ADGRV1: variants seen among roughly 807,000 people sequenced by gnomAD.
ADGRV1 encodes the protein G-protein coupled receptor 98.
Under a neutral mutation model 596.2 loss-of-function variants are expected in ADGRV1, and 359 were observed. The ratio of observed to expected loss-of-function variants is 0.60; its 90% CI spans 0.55 to 0.66. The LOEUF (loss-of-function observed/expected upper bound fraction) is 0.66, where lower values mean the gene tolerates loss of function less well. Among genes scored for constraint, ADGRV1 ranks in the 30% least tolerant of loss-of-function variants. The probability of loss-of-function intolerance (pLI) is 0.00; values close to 1 mark genes in which losing one functional copy is unlikely to be tolerated. For synonymous variants in ADGRV1, 2,681 were observed against 2,679.2 expected, an observed-to-expected ratio of 1.00 and a Z score of -0.02; for missense variants, 7,274 against 7,575.6, an observed-to-expected ratio of 0.96 and a Z score of 1.48.
At chr5:90,590,187 A>C (rs1359245141) in intron 1 of ADGRV1, among the ~76,000 whole-genome samples, 2 of 152,202 alleles carry the variant, frequency 1.3e-5, no homozygotes, top group Non-Finnish European at 2.9e-5. Context: ...TTTGTTATCT[A>C]TTGCTATGTA....
chr5:90,577,603 C>T lies in ADGRV1; in HGVS notation c.22+18686C>T, dbSNP rs182052212. 6.0e-3 allele frequency among the ~76,000 whole-genome samples: 907 copies of T among 152,230 alleles called. 7 individuals carry two copies. Among genetic ancestry groups the T allele is most frequent in the Middle Eastern group, 0.02 (6 of 294 alleles). On this transcript the variant is annotated intron_variant, in intron 1 of 89. Coordinates refer to ENST00000405460, the MANE Select transcript of ADGRV1 (RefSeq NM_032119.4). ...TAGGATTGTCTTGACAATGTGGGCT[C>T]TTTTTTGGTTCCATATGAAGTTTAA...
rs1768935110 is a variant in ADGRV1 at position 90,653,442 on chromosome 5, A to G, written c.3868A>G (p.Ser1290Gly). Reference protein sequence around the residue: ...DVQLGWEILSSEFPAGLPPMI... With the variant: ...DVQLGWEILSGEFPAGLPPMI... Reference sequence around the variant, plus strand: ...ACAACTGGGCTGGGAAATACTGTCCAGTGAGTTCCCTGCTGGTTTGCCACC... The same window carrying G: ...ACAACTGGGCTGGGAAATACTGTCCGGTGAGTTCCCTGCTGGTTTGCCACC... The change falls in exon 20 of 90, where the codon AGT becomes GGT. Residue 1290 changes from serine to glycine, a missense_variant. Ser to Gly is a moderately conservative substitution (Grantham distance 56, BLOSUM62 0). Coordinates refer to ENST00000405460, the MANE Select transcript of ADGRV1 (RefSeq NM_032119.4). 1 of 1,613,954 alleles carries G rather than the reference A, an allele frequency of 6.2e-7. No homozygotes were observed.
intron 64 of ADGRV1, chr5:90,781,097 G>A (rs1581102391): frequency 2.8e-6 from 1 of 354,788 alleles, no homozygotes; most frequent in African/African-American, 2.1e-5. Context: ...GTATATGTAT[G>A]TATTCAGCCG....
chr5:90,592,466 G>C (rs1048151139), intron 1 of ADGRV1, among the ~76,000 whole-genome samples: 8 of 152,296 alleles, frequency 5.3e-5, no homozygotes, highest in Non-Finnish European at 1.0e-4. Flanking sequence ...GTGGTAGGAG[G>C]GTGAGGGATA....
Position 90,840,818 on chromosome 5 carries a change from A to C in ADGRV1, c.16852A>C (p.Thr5618Pro). Reference protein sequence around the residue: ...IDKVYGTANITLVSDADSQAI... With the variant: ...IDKVYGTANIPLVSDADSQAI... ...TAAAGTGTATGGGACTGCCAACATC[A>C]CTCTTGTCTCAGATGCAGATTCGCA... is the stretch of plus-strand genomic sequence containing the variant. Residue 5618 changes from threonine to proline, a missense_variant, in exon 78 of 90, where the codon ACT (threonine) becomes CCT (proline). Physicochemically the swap from Thr to Pro is conservative, Grantham distance 38. Transcript: ENST00000405460. The C allele has an allele frequency of 6.2e-7, 1 of 1,613,734 alleles. No homozygotes were observed. The highest frequency in any genetic ancestry group is 8.5e-7 in the Non-Finnish European group (1 of 1,179,786).
rs199636312 is a variant in ADGRV1, at chr5:90,629,384, G to T, written c.1684G>T (p.Ala562Ser). ...GCTTTATTCTGTACTTTACATTCCT[G>T]CTGGAGCTGTGGACCCCTTGCAAGC... Reference protein sequence around the residue: ...RLLYSVLYIPAGAVDPLQAKE... With the variant: ...RLLYSVLYIPSGAVDPLQAKE... The change falls in exon 9 of 90, where the codon GCT (alanine) becomes TCT (serine). Residue 562 changes from alanine to serine, a missense_variant. By Grantham distance (99) the Ala-to-Ser change is moderately conservative. Around this residue, in one of 5 missense-constraint regions of ADGRV1, gnomAD observed 1,715 missense variants for 1,708.8 expected, o/e 1.00. Transcript: ENST00000405460. 132 of 1,613,604 alleles carry T rather than the reference G, an allele frequency of 8.2e-5. 1 individual carries two copies. The Middle Eastern group carries it at 1.3e-3, about 16-fold the overall frequency.
At chr5:90,972,446 T>C (rs948616869) in intron 84 of ADGRV1, among the ~76,000 whole-genome samples, 1 of 152,198 alleles carries the variant, frequency 6.6e-6, no homozygotes, top group Non-Finnish European at 1.5e-5. Flanking sequence ...GACCACATAG[T>C]TGGAAGTAAA....
At chr5:91,002,674 A>G (rs1781945125) in intron 85 of ADGRV1, among the ~76,000 whole-genome samples, 1 of 151,378 alleles carries the variant, frequency 6.6e-6, no homozygotes, top group Admixed American at 6.6e-5. Flanking sequence ...TTTTCTTCTC[A>G]TGTACCCATG....
intron 52 of ADGRV1, among the ~76,000 whole-genome samples, chr5:90,748,377 A>C (rs78631911): frequency 0.026 from 3,981 of 152,346 alleles, 153 homozygotes; most frequent in African/African-American, 0.091. Context: ...CTTGATTTTA[A>C]TATATTTTAT....
At chr5:90,905,160 T>C (rs1448226895) in intron 83 of ADGRV1, among the ~76,000 whole-genome samples, 1 of 152,124 alleles carries the variant, frequency 6.6e-6, no homozygotes, top group Non-Finnish European at 1.5e-5. Context: ...TAATTTCAAA[T>C]CAGGTAATGT....
chr5:90,736,432 C>CT (rs943795784), intron 50 of ADGRV1, among the ~76,000 whole-genome samples: 1 of 151,960 alleles, frequency 6.6e-6, no homozygotes, highest in Non-Finnish European at 1.5e-5. Context: ...CCTGTAATTT[C>CT]TTTTTTTCTT....
intron 83 of ADGRV1, among the ~76,000 whole-genome samples, chr5:90,902,154 T>A (rs1771909565): frequency 6.6e-6 from 1 of 152,120 alleles, no homozygotes. Flanking sequence ...GTTGAATCAT[T>A]CAAGCTTTAT....
chr5:90,992,940 C>T (rs912290207), intron 85 of ADGRV1, among the ~76,000 whole-genome samples: 14 of 152,050 alleles, frequency 9.2e-5, no homozygotes, highest in African/African-American at 3.4e-4. Context: ...ATCCAGTGTG[C>T]ATACATACTT....
At chr5:91,065,616 C>T (rs1019903808) in intron 85 of ADGRV1, among the ~76,000 whole-genome samples, 8 of 152,264 alleles carry the variant, frequency 5.3e-5, no homozygotes, top group South Asian at 2.1e-4. Flanking sequence ...TTCCTTCTTA[C>T]GAATATTTCA....
intron 85 of ADGRV1, among the ~76,000 whole-genome samples, chr5:91,040,400 T>C (rs994721098): frequency 4.6e-5 from 7 of 152,216 alleles, no homozygotes; most frequent in Non-Finnish European, 1.0e-4. Context: ...GACGACTATA[T>C]GCTTCATGAG....
intron 70 of ADGRV1, among the ~76,000 whole-genome samples, chr5:90,797,748 G>A (rs1354899916): frequency 1.3e-5 from 2 of 152,128 alleles, no homozygotes; most frequent in Non-Finnish European, 1.5e-5. Context: ...CTCAGCAAAT[G>A]TGAAAGAATG....
At chr5:90,798,613 G>C (rs10076137) in intron 70 of ADGRV1, among the ~76,000 whole-genome samples, 3,943 of 152,098 alleles carry the variant, frequency 0.026, 164 homozygotes, top group African/African-American at 0.09. Flanking sequence ...ACCTGACAGA[G>C]ACACAACAAA....
At chr5:90,948,205 A>C (rs1776759040) in intron 83 of ADGRV1, among the ~76,000 whole-genome samples, 1 of 152,110 alleles carries the variant, frequency 6.6e-6, no homozygotes, top group Admixed American at 6.6e-5. Flanking sequence ...TAGAATTTGA[A>C]TCCAGGAGTC....
chr5:90,922,436 T>C lies in ADGRV1; in HGVS notation c.17857-42979T>C, dbSNP rs976728849. Among the ~76,000 whole-genome samples the C allele has an allele frequency of 4.6e-5, 7 of 152,306 alleles. No individual in the cohort carries two copies. The East Asian group carries it at 1.4e-3, about 29-fold the overall frequency. ...TTAGGTTGTTTCTCTGGCTTTTCAC[T>C]CATTCCCTATATTCTATACTTTGAA... On this transcript the variant is annotated intron_variant, in intron 83 of 89. Transcript: ENST00000405460.
Sources: gnomAD v4.1 joint callset for allele counts (sites outside exome capture counted in the v4.1 genomes callset) on GRCh38, gnomAD v4.1.1 for gene constraint, gnomAD v4.1.1 regional missense constraint, MANE v1.5 for transcripts, NCBI Gene and HGNC (gene_info 2026-07-23, HGNC 2026-07-21) for gene names.